Variants in FAT4 observed in about 807,000 individuals in gnomAD.
FAT4 encodes protocadherin Fat 4.
Under a neutral mutation model 303.9 loss-of-function variants are expected in FAT4, and 84 were observed. The observed-to-expected ratio is 0.28, with a 90% CI of 0.23 to 0.33. The LOEUF is 0.33. Ranked by LOEUF, FAT4 falls within the 10% of genes least tolerant of loss-of-function variation. FAT4 has a pLI of 1.00. For missense variants in FAT4, 6,005 were observed against 6,146.8 expected (o/e 0.98, Z 0.77); for synonymous variants, 2,307 against 2,298.8 (o/e 1.00, Z -0.10).
chr4:125,341,224 A>G (rs1375014006), intron 2 of FAT4, among the ~76,000 whole-genome samples: 1 of 152,224 alleles, frequency 6.6e-6, no homozygotes, highest in African/African-American at 2.4e-5. Context: ...TTTCAAGAAC[A>G]AGGAATGGCT....
chr4:125,366,254 C>T (rs1732882811), intron 2 of FAT4, among the ~76,000 whole-genome samples: 1 of 152,150 alleles, frequency 6.6e-6, no homozygotes, highest in Non-Finnish European at 1.5e-5. Flanking sequence ...CTCCTCCCAT[C>T]CTCTGCCCTC....
chr4:125,391,401 A>G (rs1444584622), intron 2 of FAT4, among the ~76,000 whole-genome samples: 1 of 152,216 alleles, frequency 6.6e-6, no homozygotes, highest in Non-Finnish European at 1.5e-5. Flanking sequence ...CGTCATCCTC[A>G]GCAAACTAAC....
intron 7 of FAT4, among the ~76,000 whole-genome samples, chr4:125,428,103 G>A (rs1348575758): frequency 6.6e-6 from 1 of 152,010 alleles, no homozygotes; most frequent in East Asian, 1.9e-4. Flanking sequence ...TTCGAGACTA[G>A]CCTGACCGAC....
chr4:125,344,770 A>G (rs1731934395), intron 2 of FAT4, among the ~76,000 whole-genome samples: 2 of 151,948 alleles, frequency 1.3e-5, no homozygotes, highest in Admixed American at 6.6e-5. Flanking sequence ...CATAATTGTA[A>G]TGCTTACCCC....
chr4:125,417,773 T>C (rs774007865), intron 7 of FAT4, among the ~76,000 whole-genome samples: 5 of 152,164 alleles, frequency 3.3e-5, no homozygotes, highest in Non-Finnish European at 4.4e-5. Flanking sequence ...TTAAACCTTG[T>C]TTCAAAGCAC....
Position 125,331,103 on chromosome 4 carries a change from G to A in FAT4, c.5175+9517G>A, listed in dbSNP as rs113447261. Among the ~76,000 whole-genome samples, 1,410 of 151,978 alleles carry A rather than the reference G, an allele frequency of 9.3e-3. 18 individuals are homozygous for A. Among genetic ancestry groups the A allele is most frequent in the Middle Eastern group, 0.02 (6 of 294 alleles). ...TTCGTTTTTCTCTTTCCTTCCTTTT[G>A]TTTCTGCTTTTTTCTTATCATCACC... On this transcript the variant is annotated intron_variant, in intron 2 of 17. Transcript: ENST00000394329.
intron 16 of FAT4, among the ~76,000 whole-genome samples, chr4:125,482,383 C>T (rs1227604666): frequency 6.6e-6 from 1 of 152,024 alleles, no homozygotes; most frequent in Non-Finnish European, 1.5e-5. Context: ...TTTTTCTTAT[C>T]TGTAAATAAG....
chr4:125,421,680 T>C (rs1381859538), intron 7 of FAT4, among the ~76,000 whole-genome samples: 1 of 152,176 alleles, frequency 6.6e-6, no homozygotes, highest in East Asian at 1.9e-4. Context: ...GAAAAAATTC[T>C]AAGTTAGAGA....
intron 2 of FAT4, among the ~76,000 whole-genome samples, chr4:125,331,466 T>C (rs537900045): frequency 3.9e-5 from 6 of 152,324 alleles, no homozygotes; most frequent in African/African-American, 1.4e-4. Flanking sequence ...CATAAAAAGA[T>C]AGTGGCTACA....
chr4:125,489,446 G>C (rs570741227), intron 17 of FAT4, among the ~76,000 whole-genome samples: 1 of 152,076 alleles, frequency 6.6e-6, no homozygotes, highest in Admixed American at 6.6e-5. Flanking sequence ...CACACCTTTG[G>C]TGTATTATCA....
intron 5 of FAT4, among the ~76,000 whole-genome samples, chr4:125,412,714 G>A (rs988000161): frequency 1.1e-4 from 17 of 151,716 alleles, no homozygotes; most frequent in African/African-American, 3.9e-4. Flanking sequence ...TGATTTAATT[G>A]CTCCCATTCC....
chr4:125,317,280 A>G lies in FAT4; in HGVS notation c.869A>G (p.Gln290Arg). 1 of 1,586,758 alleles carries G rather than the reference A, an allele frequency of 6.3e-7. No homozygotes were observed. Among genetic ancestry groups the G allele is most frequent in the Non-Finnish European group, 8.6e-7 (1 of 1,164,046 alleles). ...AACGCGGACATCCGCTATCGCCTGC[A>G]GGACGAGGGGACCCCCTTCCAAATG... ...GTNADIRYRL[Q>R]DEGTPFQMDP... The change falls in exon 2 of 18, where the codon CAG becomes CGG. Residue 290 changes from glutamine to arginine, a missense_variant. Physicochemically the swap from Gln to Arg is conservative, Grantham distance 43 (BLOSUM62 1). Transcript: ENST00000394329. This position sits in a 1 kb window ranked among gnomAD's most constrained non-coding sequence, Gnocchi z 7.0.
intron 17 of FAT4, 146 bp downstream of exon 17, chr4:125,487,752 T>A: frequency 1.3e-6 from 1 of 765,384 alleles, no homozygotes; most frequent in Admixed American, 3.7e-5. Flanking sequence ...TTTAAAAAAG[T>A]AGTTTGATGT....
intron 2 of FAT4, among the ~76,000 whole-genome samples, chr4:125,330,949 C>T (rs1257368603): frequency 6.6e-6 from 1 of 152,178 alleles, no homozygotes; most frequent in Non-Finnish European, 1.5e-5. Context: ...ACCATCAGAG[C>T]TCCAGGCCCC....
chr4:125,356,542 G>GTTTTTTTTTTT (rs1230221758), intron 2 of FAT4, among the ~76,000 whole-genome samples: 1 of 98,476 alleles, frequency 1.0e-5, no homozygotes, highest in African/African-American at 3.7e-5. Flanking sequence ...AGGGTGTTTT[G>GTTTTTTTTTTT]TTTTTTGTTT....
chr4:125,319,931 G>C lies in FAT4; in HGVS notation c.3520G>C (p.Val1174Leu). The part of the protein sequence containing the change: ...ESLMRRRGTA[V>L]FSFTVIATDQ... ...TCTTATGAGGCGGAGAGGGACTGCT[G>C]TGTTTAGCTTTACAGTCATAGCAAC... Residue 1174 changes from valine (V) to leucine (L), a missense_variant, in exon 2 of 18, where the codon GTG (valine) becomes CTG (leucine). Transcript: ENST00000394329. 2 of 1,613,740 alleles carry C rather than the reference G, an allele frequency of 1.2e-6. No individual in the cohort carries two copies. The highest frequency in any genetic ancestry group is 1.7e-6 in the Non-Finnish European group (2 of 1,180,016).
At chr4:125,359,915 T>C (rs1199641654) in intron 2 of FAT4, among the ~76,000 whole-genome samples, 1 of 152,078 alleles carries the variant, frequency 6.6e-6, no homozygotes, top group Non-Finnish European at 1.5e-5. Flanking sequence ...GTTCCAAAGA[T>C]TACAGTGCTT....
At chr4:125,444,678 C>A (rs1034372542) in intron 8 of FAT4, among the ~76,000 whole-genome samples, 3 of 149,298 alleles carry the variant, frequency 2.0e-5, no homozygotes, top group Admixed American at 6.7e-5. Flanking sequence ...TGTTTTTTAT[C>A]AATCTCATTT....
chr4:125,316,254 A>G lies in FAT4; in HGVS notation c.-12-146A>G, dbSNP rs984957129. 7.6e-5 allele frequency: 73 copies of G among 962,096 alleles called. No homozygotes were observed. The highest frequency in any genetic ancestry group is 7.6e-5 in the Non-Finnish European group (49 of 648,314). 59.6% of individuals were successfully genotyped at this position (962,096 alleles called of 1,614,324 possible). ...CTACCTAGAGTCTTTTGCTGATGCTACTTGCTTTTGCCGGACTGGAGGTTC... is the reference window on the plus strand; with the variant it reads ...CTACCTAGAGTCTTTTGCTGATGCTGCTTGCTTTTGCCGGACTGGAGGTTC... On this transcript the variant is annotated intron_variant, in intron 1 of 17. Transcript: ENST00000394329. The surrounding 1 kb of genome is among the most constrained non-coding windows in gnomAD (Gnocchi z 5.7).
Sources: allele counts gnomAD v4.1 joint callset (sites outside exome capture counted in the v4.1 genomes callset), GRCh38; gene constraint gnomAD v4.1.1; non-coding constraint Gnocchi (gnomAD v3.1); transcripts MANE v1.5; gene names NCBI Gene and HGNC (gene_info 2026-07-23, HGNC 2026-07-21).